The following EPB41L4A variants were observed in gnomAD, a reference collection of about 807,000 sequenced individuals.
EPB41L4A encodes the protein band 4.1-like protein 4A.
In EPB41L4A, 100 loss-of-function variants were observed where a neutral mutation model predicts 108.6. That is an observed-to-expected ratio of 0.92 (90% CI 0.78 to 1.09). EPB41L4A has a LOEUF of 1.09. EPB41L4A is among the 50% of genes least tolerant of loss of function. The probability of loss-of-function intolerance (pLI) is 0.00; values close to 1 mark genes in which losing one functional copy is unlikely to be tolerated. For missense variants in EPB41L4A, 1,030 were observed against 842.7 expected (o/e 1.22, Z -2.75); for synonymous variants, 319 against 289.0 (o/e 1.10, Z -1.05).
At chr5:112,392,337 A>G (rs1219095251) in intron 1 of EPB41L4A, among the ~76,000 whole-genome samples, 2 of 146,472 alleles carry the variant, frequency 1.4e-5, no homozygotes, top group Non-Finnish European at 3.0e-5. Flanking sequence ...CACATCTCAC[A>G]TGCAGAGACA....
chr5:112,144,055 C>T (rs559556335), intron 13 of EPB41L4A, among the ~76,000 whole-genome samples: 8 of 152,312 alleles, frequency 5.3e-5, no homozygotes, highest in Admixed American at 2.0e-4. Context: ...AAACTGCCTT[C>T]AGAAACAGAA....
At chr5:112,292,451 A>C (rs1753709809) in intron 2 of EPB41L4A, among the ~76,000 whole-genome samples, 1 of 152,182 alleles carries the variant, frequency 6.6e-6, no homozygotes, top group South Asian at 2.1e-4. Context: ...TTCATAAAGC[A>C]GCTCTCAAAA....
chr5:112,182,052 GAC>G (rs1761183868), intron 18 of EPB41L4A, among the ~76,000 whole-genome samples: 1 of 151,372 alleles, frequency 6.6e-6, no homozygotes, highest in African/African-American at 2.4e-5. Context: ...CAGCCTGGGT[GAC>G]AGAGAAAAAA....
intron 22 of EPB41L4A, among the ~76,000 whole-genome samples, chr5:112,167,497 G>A (rs919778634): frequency 2.0e-5 from 3 of 152,004 alleles, no homozygotes; most frequent in East Asian, 1.9e-4. Flanking sequence ...GTTGCCTGCC[G>A]TGTAGCTCAA....
chr5:112,170,906 A>G (rs753772271), intron 19 of EPB41L4A, 39 bp downstream of exon 19: 4 of 1,568,376 alleles, frequency 2.6e-6, no homozygotes, highest in South Asian at 1.1e-5. Context: ...TTAAAACTAC[A>G]TGGGTTTTAA....
chr5:112,370,787 T>C (rs1759446590), intron 1 of EPB41L4A, among the ~76,000 whole-genome samples: 1 of 152,086 alleles, frequency 6.6e-6, no homozygotes, highest in South Asian at 2.1e-4. Flanking sequence ...TGGTGGCACA[T>C]GCCTGTAGTC....
intron 3 of EPB41L4A, among the ~76,000 whole-genome samples, chr5:112,278,156 C>G (rs1181262725): frequency 2.0e-5 from 3 of 152,170 alleles, no homozygotes. Context: ...CATTTTCCTT[C>G]ACTATCAAAT....
At chr5:112,288,600 C>T (rs536521252) in intron 2 of EPB41L4A, among the ~76,000 whole-genome samples, 41 of 152,176 alleles carry the variant, frequency 2.7e-4, no homozygotes, top group Non-Finnish European at 2.9e-4. Flanking sequence ...GATTTCAAAA[C>T]TAGTATTATG....
At chr5:112,307,131 T>C (rs761031438) in intron 2 of EPB41L4A, among the ~76,000 whole-genome samples, 12 of 152,300 alleles carry the variant, frequency 7.9e-5, no homozygotes, top group African/African-American at 1.2e-4. Context: ...TATGATAAGG[T>C]TGCAAATCTG....
intron 10 of EPB41L4A, among the ~76,000 whole-genome samples, chr5:112,240,279 A>C (rs933310987): frequency 1.5e-4 from 23 of 152,136 alleles, no homozygotes; most frequent in African/African-American, 5.3e-4. Flanking sequence ...CACTTCTGTA[A>C]ATAACTACTT....
At chr5:112,395,337 A>G (rs1761257328) in intron 1 of EPB41L4A, among the ~76,000 whole-genome samples, 1 of 152,234 alleles carries the variant, frequency 6.6e-6, no homozygotes, top group South Asian at 2.1e-4. Context: ...AATTTTTGCA[A>G]TCTACTCATC....
intron 9 of EPB41L4A, among the ~76,000 whole-genome samples, chr5:112,247,227 C>G (rs939960779): frequency 6.6e-6 from 1 of 152,008 alleles, no homozygotes; most frequent in Non-Finnish European, 1.5e-5. Context: ...GTCCAATTAC[C>G]TTCCCCAGAG....
chr5:112,367,873 G>A (rs940345503), intron 1 of EPB41L4A, among the ~76,000 whole-genome samples: 1 of 148,796 alleles, frequency 6.7e-6, no homozygotes, highest in African/African-American at 2.6e-5. Context: ...TGAATTGCCT[G>A]CTCCACGAAA....
chr5:112,414,776 T>C (rs1006455532), intron 1 of EPB41L4A, among the ~76,000 whole-genome samples: 24 of 152,342 alleles, frequency 1.6e-4, no homozygotes, highest in African/African-American at 4.3e-4. Flanking sequence ...AGACTTCTTG[T>C]AAAATTGAGG....
chr5:112,142,334 T>A (rs953425195), downstream of EPB41L4A: 7 of 152,230 alleles, frequency 4.6e-5, no homozygotes, highest in Admixed American at 2.6e-4. Flanking sequence ...TTGTCTGAAG[T>A]CAAGTTCCTG....
intron 17 of EPB41L4A, among the ~76,000 whole-genome samples, chr5:112,186,668 G>A (rs1392952023): frequency 6.6e-6 from 1 of 152,200 alleles, no homozygotes; most frequent in Non-Finnish European, 1.5e-5. Flanking sequence ...CACAACAGAA[G>A]CACATTTTCC....
chr5:112,343,485 T>C (rs1027669460), intron 1 of EPB41L4A, among the ~76,000 whole-genome samples: 1 of 152,120 alleles, frequency 6.6e-6, no homozygotes, highest in African/African-American at 2.4e-5. Flanking sequence ...GTATGTAAAG[T>C]ACTTAGCGAG....
chr5:112,357,108 G>A (rs1014039474), intron 1 of EPB41L4A, among the ~76,000 whole-genome samples: 2 of 152,166 alleles, frequency 1.3e-5, no homozygotes, highest in Admixed American at 1.3e-4. Flanking sequence ...GTCTTGTGAT[G>A]CAGCAGATCC....
intron 12 of EPB41L4A, among the ~76,000 whole-genome samples, chr5:112,224,855 A>G (rs1561489353): frequency 6.6e-6 from 1 of 152,206 alleles, no homozygotes; most frequent in Non-Finnish European, 1.5e-5. Flanking sequence ...CACTTTTGCC[A>G]AAACAAAGCT....
Sources: allele counts gnomAD v4.1 joint callset (sites outside exome capture counted in the v4.1 genomes callset), GRCh38; gene constraint gnomAD v4.1.1; transcripts MANE v1.5; gene names NCBI Gene and HGNC (gene_info 2026-07-23, HGNC 2026-07-21).